The following MACROD2 variants were observed in gnomAD, a reference collection of about 807,000 sequenced individuals.
MACROD2 encodes mono-ADP ribosylhydrolase 2, also known as ADP-ribose glycohydrolase MACROD2.
MACROD2 carries 36 observed loss-of-function variants against 70.4 expected under a neutral mutation model. The ratio of observed to expected loss-of-function variants is 0.51; its 90% CI spans 0.39 to 0.68. MACROD2 has a LOEUF of 0.68. MACROD2 is among the 30% of genes least tolerant of loss of function. The probability of loss-of-function intolerance (pLI) is 0.00; values close to 1 mark genes in which losing one functional copy is unlikely to be tolerated. For synonymous variants in MACROD2, 172 were observed against 178.8 expected, an observed-to-expected ratio of 0.96 and a Z score of 0.30; for missense variants, 496 against 538.4, an observed-to-expected ratio of 0.92 and a Z score of 0.78.
At chr20:15,741,860 T>C (rs79558185) in intron 8 of MACROD2, among the ~76,000 whole-genome samples, 1,875 of 152,286 alleles carry the variant, frequency 0.012, 26 homozygotes, top group East Asian at 0.072. Context: ...ACTTTGAACA[T>C]AGTAGAGGTT....
At chr20:14,277,053 C>T (rs115516314) in intron 3 of MACROD2, among the ~76,000 whole-genome samples, 3,344 of 152,194 alleles carry the variant, frequency 0.022, 38 homozygotes, top group Non-Finnish European at 0.024. Context: ...TGGTAGCTCA[C>T]GCCTGTAGTG....
intron 5 of MACROD2, among the ~76,000 whole-genome samples, chr20:15,111,379 C>T (rs913911733): frequency 6.6e-5 from 10 of 151,986 alleles, no homozygotes; most frequent in African/African-American, 2.4e-4. Flanking sequence ...ACCATGTTGG[C>T]CAGGCTGGTC....
intron 15 of MACROD2, among the ~76,000 whole-genome samples, chr20:16,036,828 C>T (rs2067243100): frequency 6.6e-6 from 1 of 151,968 alleles, no homozygotes; most frequent in Non-Finnish European, 1.5e-5. Context: ...CATGCAAATT[C>T]ACATAAACAT....
rs948197060 is a variant in MACROD2, at chr20:15,048,211, C to T, written c.419-181729C>T. 4.0e-4 allele frequency among the ~76,000 whole-genome samples: 61 copies of T among 152,122 alleles called. 1 individual carries two copies. Among genetic ancestry groups the T allele is most frequent in the African/African-American group, 1.3e-3 (56 of 41,520 alleles). On this transcript the variant is annotated intron_variant, in intron 5 of 17. Transcript: ENST00000684519. The stretch of plus-strand genomic sequence containing the variant: ...GAATTGCTTGAACCCAGGAGGCAGA[C>T]GTTGTAGTGAGCCAAGATCAGATTG...
At chr20:14,364,871 T>C (rs2083257644) in intron 3 of MACROD2, among the ~76,000 whole-genome samples, 1 of 152,182 alleles carries the variant, frequency 6.6e-6, no homozygotes, top group Non-Finnish European at 1.5e-5. Flanking sequence ...GCTGGACACT[T>C]TGGTAGTATT....
chr20:15,855,508 T>C (rs970313896), intron 8 of MACROD2, among the ~76,000 whole-genome samples: 2 of 152,260 alleles, frequency 1.3e-5, no homozygotes, highest in South Asian at 2.1e-4. Flanking sequence ...AGCTGTAACA[T>C]AGGACTTTTA....
At chr20:15,682,305 A>G (rs1339298992) in intron 8 of MACROD2, among the ~76,000 whole-genome samples, 1 of 152,230 alleles carries the variant, frequency 6.6e-6, no homozygotes, top group African/African-American at 2.4e-5. Flanking sequence ...CTTTAGTTGA[A>G]CAAAACAGTA....
At chr20:14,964,154 AT>A (rs1291096958) in intron 5 of MACROD2, among the ~76,000 whole-genome samples, 1 of 152,070 alleles carries the variant, frequency 6.6e-6, no homozygotes, top group Non-Finnish European at 1.5e-5. Context: ...TATAAATGGT[AT>A]GGTGCATTTG....
intron 5 of MACROD2, among the ~76,000 whole-genome samples, chr20:14,774,435 G>A (rs1378126210): frequency 1.3e-5 from 2 of 152,000 alleles, no homozygotes; most frequent in African/African-American, 4.8e-5. Flanking sequence ...CTGTAATGAG[G>A]AAGTAAAATC....
At chr20:15,085,751 T>C (rs1292125161) in intron 5 of MACROD2, among the ~76,000 whole-genome samples, 1 of 151,984 alleles carries the variant, frequency 6.6e-6, no homozygotes, top group Non-Finnish European at 1.5e-5. Context: ...TATATTAGAA[T>C]ATTGCAAAAA....
At chr20:14,991,913 A>T (rs772580950) in intron 5 of MACROD2, among the ~76,000 whole-genome samples, 6 of 152,140 alleles carry the variant, frequency 3.9e-5, no homozygotes, top group Non-Finnish European at 8.8e-5. Flanking sequence ...TTCACCTATC[A>T]TCCATCCATC....
chr20:15,590,719 C>T (rs971488609), intron 8 of MACROD2, among the ~76,000 whole-genome samples: 1 of 152,008 alleles, frequency 6.6e-6, no homozygotes, highest in African/African-American at 2.4e-5. Flanking sequence ...CCTATCTCTA[C>T]AATACAACAA....
chr20:15,152,721 G>A (rs1447050160), intron 5 of MACROD2, among the ~76,000 whole-genome samples: 3 of 152,016 alleles, frequency 2.0e-5, no homozygotes, highest in African/African-American at 4.8e-5. Flanking sequence ...GACCAAAGCA[G>A]GCGTCCCTGC....
intron 10 of MACROD2, among the ~76,000 whole-genome samples, chr20:15,930,745 A>T (rs1427215018): frequency 6.6e-6 from 1 of 152,224 alleles, no homozygotes; most frequent in Non-Finnish European, 1.5e-5. Context: ...GGGGTAGCAC[A>T]CAAGGAACTA....
At chr20:15,045,726 T>TTTTG (rs2075388636) in intron 5 of MACROD2, among the ~76,000 whole-genome samples, 2 of 144,830 alleles carry the variant, frequency 1.4e-5, no homozygotes, top group African/African-American at 5.0e-5. Flanking sequence ...AGGGTTTTTT[T>TTTTG]TTTTTTTTTT....
chr20:15,535,420 C>A (rs1185635103), intron 8 of MACROD2, among the ~76,000 whole-genome samples: 1 of 152,176 alleles, frequency 6.6e-6, no homozygotes, highest in Non-Finnish European at 1.5e-5. Flanking sequence ...AGATTCTCAG[C>A]CTCCATCCTA....
intron 3 of MACROD2, among the ~76,000 whole-genome samples, chr20:14,314,775 A>G (rs978111207): frequency 6.6e-6 from 1 of 150,796 alleles, no homozygotes; most frequent in Non-Finnish European, 1.5e-5. Context: ...TAAATAAATA[A>G]ATAAATAAAT....
At chr20:15,164,833 A>G (rs1355458576) in intron 5 of MACROD2, among the ~76,000 whole-genome samples, 1 of 152,088 alleles carries the variant, frequency 6.6e-6, no homozygotes, top group Non-Finnish European at 1.5e-5. Context: ...CCCAAGAGTT[A>G]GGGGCTGCAG....
rs542976666 is a variant in MACROD2, at chr20:15,571,680, T to C, written c.645+71833T>C. Among the ~76,000 whole-genome samples, 10 of 152,180 alleles carry C rather than the reference T, an allele frequency of 6.6e-5. No individual in the cohort carries two copies. The South Asian group carries it at 1.7e-3, about 25-fold the overall frequency. ...GGGCCCCAAATGATCACATGAAATATATGGAATAACATTGGCCATATGAGG... is the reference window on the plus strand; with the variant it reads ...GGGCCCCAAATGATCACATGAAATACATGGAATAACATTGGCCATATGAGG... On this transcript the variant is annotated intron_variant, in intron 8 of 17. Coordinates refer to ENST00000684519, the MANE Select transcript of MACROD2 (RefSeq NM_001351661.2).
Sources: gnomAD v4.1 joint callset for allele counts (sites outside exome capture counted in the v4.1 genomes callset) on GRCh38, gnomAD v4.1.1 for gene constraint, MANE v1.5 for transcripts, NCBI Gene and HGNC (gene_info 2026-07-23, HGNC 2026-07-21) for gene names.